CNTNAP2: variants seen among roughly 807,000 people sequenced by gnomAD.
CNTNAP2 encodes the protein contactin associated protein 2.
In CNTNAP2, 98 loss-of-function variants were observed where a neutral mutation model predicts 155.2. The observed-to-expected ratio is 0.63, with a 90% CI of 0.54 to 0.75. The LOEUF (loss-of-function observed/expected upper bound fraction) is 0.75, where lower values mean the gene tolerates loss of function less well. Among genes scored for constraint, CNTNAP2 ranks in the 30% least tolerant of loss-of-function variants. The pLI, the probability that CNTNAP2 is intolerant of heterozygous loss-of-function variation, is 0.00. For missense variants in CNTNAP2, 1,727 were observed against 1,688.1 expected (o/e 1.02, Z -0.40); for synonymous variants, 651 against 631.2 (o/e 1.03, Z -0.47).
At chr7:146,518,133 G>C (rs981241817) in intron 1 of CNTNAP2, among the ~76,000 whole-genome samples, 1 of 151,698 alleles carries the variant, frequency 6.6e-6, no homozygotes, top group African/African-American at 2.4e-5. Flanking sequence ...TTTTGAGTAA[G>C]AATTAGTATA....
intron 13 of CNTNAP2, among the ~76,000 whole-genome samples, chr7:147,703,718 A>G (rs2117007301): frequency 6.6e-6 from 1 of 152,194 alleles, no homozygotes; most frequent in Non-Finnish European, 1.5e-5. Context: ...GAACATTTCA[A>G]GTTCTCTCTT....
At chr7:146,677,464 G>C (rs1489274584) in intron 1 of CNTNAP2, among the ~76,000 whole-genome samples, 1 of 152,128 alleles carries the variant, frequency 6.6e-6, no homozygotes, top group Non-Finnish European at 1.5e-5. Flanking sequence ...TGGTAACAAG[G>C]CATATTTTCA....
chr7:146,197,919 C>T (rs751725938), intron 1 of CNTNAP2, among the ~76,000 whole-genome samples: 4 of 151,882 alleles, frequency 2.6e-5, no homozygotes, highest in Non-Finnish European at 5.9e-5. Context: ...CTGGGTAGGT[C>T]GCAGGAAACT....
intron 1 of CNTNAP2, among the ~76,000 whole-genome samples, chr7:146,537,976 C>T (rs1431219105): frequency 2.0e-5 from 3 of 151,946 alleles, no homozygotes; most frequent in African/African-American, 7.3e-5. Flanking sequence ...ACAGGAATAA[C>T]ATAATCTGAT....
At chr7:147,663,268 T>C (rs1293836942) in intron 13 of CNTNAP2, among the ~76,000 whole-genome samples, 2 of 152,250 alleles carry the variant, frequency 1.3e-5, no homozygotes, top group Non-Finnish European at 2.9e-5. Flanking sequence ...CGTGCTGGGA[T>C]TACAGGCGTA....
chr7:147,749,817 G>A (rs950647036), intron 13 of CNTNAP2, among the ~76,000 whole-genome samples: 3 of 152,136 alleles, frequency 2.0e-5, no homozygotes, highest in Non-Finnish European at 4.4e-5. Flanking sequence ...AGGATGTAGA[G>A]AAATGACTCT....
At chr7:146,844,477 G>T (rs1803804703) in intron 3 of CNTNAP2, among the ~76,000 whole-genome samples, 1 of 152,040 alleles carries the variant, frequency 6.6e-6, no homozygotes, top group Non-Finnish European at 1.5e-5. Context: ...ATTATCTTGA[G>T]ATGTTTTCAA....
chr7:147,172,143 G>C (rs1429478279), intron 8 of CNTNAP2, among the ~76,000 whole-genome samples: 1 of 152,096 alleles, frequency 6.6e-6, no homozygotes, highest in Non-Finnish European at 1.5e-5. Context: ...AAGATAAGCA[G>C]ATTTCTCGAT....
At chr7:148,370,631 G>C (rs542743159) in intron 21 of CNTNAP2, among the ~76,000 whole-genome samples, 1 of 133,940 alleles carries the variant, frequency 7.5e-6, no homozygotes, top group South Asian at 2.3e-4. Flanking sequence ...TGCATGGCTG[G>C]TCCCCCCCTA....
At chr7:148,140,742 A>G (rs949993316) in intron 16 of CNTNAP2, among the ~76,000 whole-genome samples, 11 of 152,178 alleles carry the variant, frequency 7.2e-5, no homozygotes, top group Non-Finnish European at 2.9e-5. Flanking sequence ...CTTAAATGCC[A>G]TCTGGTGTGG....
At chr7:147,466,551 T>C (rs1528527) in intron 10 of CNTNAP2, among the ~76,000 whole-genome samples, 118,729 of 152,108 alleles carry the variant, frequency 0.78, 46,704 homozygotes, top group African/African-American at 0.87. Flanking sequence ...ACAGAGAAAA[T>C]CTTTTGCTTC....
intron 2 of CNTNAP2, among the ~76,000 whole-genome samples, chr7:146,827,733 A>G (rs891152481): frequency 3.9e-5 from 6 of 152,058 alleles, no homozygotes; most frequent in Non-Finnish European, 8.8e-5. Flanking sequence ...CTTTCTTTGC[A>G]ACATTGATAT....
At position 147,601,645 on chromosome 7, in the gene CNTNAP2, ATATAT is replaced by A. The variant is rs1213774660; in HGVS notation, c.1898-37460_1898-37456del. Among the ~76,000 whole-genome samples, 218 of 128,240 alleles carry A rather than the reference ATATAT, an allele frequency of 1.7e-3. 2 individuals are homozygous for A. Among genetic ancestry groups the A allele is most frequent in the East Asian group, 9.2e-3 (41 of 4,452 alleles). The allele number at this position is 128,240 out of a possible 152,430, so 84.1% of individuals were successfully genotyped here. ...TAAAGACATTGACTCTTAAAAAAAA[ATATAT>A]ATATATATATATATATATATATATA... On this transcript the variant is annotated intron_variant, in intron 12 of 23. Coordinates refer to ENST00000361727, the MANE Select transcript of CNTNAP2 (RefSeq NM_014141.6).
At chr7:147,720,886 T>C (rs986282760) in intron 13 of CNTNAP2, among the ~76,000 whole-genome samples, 6 of 152,110 alleles carry the variant, frequency 3.9e-5, no homozygotes, top group Admixed American at 2.6e-4. Flanking sequence ...TCAAGGTCTT[T>C]ATGGTTTTCA....
At chr7:146,952,372 A>C (rs1220172195) in intron 3 of CNTNAP2, among the ~76,000 whole-genome samples, 1 of 152,202 alleles carries the variant, frequency 6.6e-6, no homozygotes, top group African/African-American at 2.4e-5. Flanking sequence ...CTGGCACAAG[A>C]CAAGTATGCC....
At chr7:147,454,340 G>C (rs1380265923) in intron 10 of CNTNAP2, among the ~76,000 whole-genome samples, 1 of 152,032 alleles carries the variant, frequency 6.6e-6, no homozygotes, top group Non-Finnish European at 1.5e-5. Context: ...GTTCAGCCAA[G>C]GTTATGCATT....
chr7:148,132,383 AT>A (rs200853173), intron 16 of CNTNAP2, among the ~76,000 whole-genome samples: 22,324 of 141,822 alleles, frequency 0.16, 1,777 homozygotes, highest in African/African-American at 0.25. Context: ...TAATTTTTTA[AT>A]TTTTTTTTTT....
chr7:147,046,958 G>A (rs1190869780), intron 4 of CNTNAP2, among the ~76,000 whole-genome samples: 12 of 149,246 alleles, frequency 8.0e-5, no homozygotes, highest in African/African-American at 2.5e-4. Context: ...CGTGAACCCG[G>A]GAGGTGGAGC....
At chr7:146,934,140 A>G (rs1281353628) in intron 3 of CNTNAP2, among the ~76,000 whole-genome samples, 4 of 152,008 alleles carry the variant, frequency 2.6e-5, no homozygotes. Context: ...ACACATGCAC[A>G]CGTATGTTTA....
Sources: allele counts gnomAD v4.1 joint callset (sites outside exome capture counted in the v4.1 genomes callset), GRCh38; gene constraint gnomAD v4.1.1; transcripts MANE v1.5; gene names NCBI Gene and HGNC (gene_info 2026-07-23, HGNC 2026-07-21).